Variants in FUT9 observed in about 807,000 individuals in gnomAD.
FUT9 encodes the protein fucosyltransferase 9.
A neutral mutation model predicts 29.7 loss-of-function variants in FUT9; 15 were observed. That is an observed-to-expected ratio of 0.51 (90% CI 0.34 to 0.78). The LOEUF is 0.78. Ranked by LOEUF, FUT9 falls within the 30% of genes least tolerant of loss-of-function variation. FUT9 has a pLI of 0.01. For synonymous variants in FUT9, 169 were observed against 153.7 expected (o/e 1.10, Z -0.74); for missense variants, 319 against 425.4 (o/e 0.75, Z 2.20).
At chr6:96,092,891 G>A (rs1217347816) in intron 1 of FUT9, among the ~76,000 whole-genome samples, 1 of 151,964 alleles carries the variant, frequency 6.6e-6, no homozygotes, top group Non-Finnish European at 1.5e-5. Flanking sequence ...CTCCTGAGTA[G>A]TTAGGACTTC....
chr6:96,192,356 T>G (rs1582299094), intron 2 of FUT9, among the ~76,000 whole-genome samples: 1 of 152,174 alleles, frequency 6.6e-6, no homozygotes, highest in Non-Finnish European at 1.5e-5. Context: ...CAGCAAAGTC[T>G]CAGGATACAA....
At position 96,147,163 on chromosome 6, in the gene FUT9, C is replaced by CT. The variant is rs869290093; in HGVS notation, c.-9+33049dup. 2.0e-3 allele frequency among the ~76,000 whole-genome samples: 293 copies of CT among 143,362 alleles called. 1 individual carries two copies. Among genetic ancestry groups the CT allele is most frequent in the Middle Eastern group, 0.015 (4 of 272 alleles). The allele number at this position is 143,362 out of a possible 152,430, so 94.1% of individuals were successfully genotyped here. A position where few individuals can be genotyped will look rare whatever the true frequency, so the allele number is the denominator to read the frequency against. ...CCTGTCCAATTTTTTTTTTATTTTTCTTTTTTTTTTTTTCTTGAGATGGAG... is the reference window on the plus strand; with the variant it reads ...CCTGTCCAATTTTTTTTTTATTTTTCTTTTTTTTTTTTTTCTTGAGATGGAG... On this transcript the variant is annotated intron_variant, in intron 2 of 2. Transcript: ENST00000302103.
In FUT9 at chr6:96,192,779, A is replaced by T. The variant is rs112832847; in HGVS notation, c.-8-10369A>T. Among the ~76,000 whole-genome samples the T allele has an allele frequency of 2.8e-4, 42 of 152,268 alleles. 1 individual carries two copies. The highest frequency in any genetic ancestry group is 9.1e-4 in the African/African-American group (38 of 41,556). On this transcript the variant is annotated intron_variant, in intron 2 of 2. Transcript: ENST00000302103. ...AAGCCAAAAGAACAAAGCTGGAGGC[A>T]TCACACTACCTGACTTCAAACTATA...
intron 2 of FUT9, among the ~76,000 whole-genome samples, chr6:96,191,653 CA>C (rs1465033562): frequency 6.6e-6 from 1 of 152,118 alleles, no homozygotes; most frequent in Non-Finnish European, 1.5e-5. Flanking sequence ...ATCAGAGGTA[CA>C]AGGAGGAGCT....
rs140084155 is a variant in FUT9, at chr6:96,053,344, A to G, written c.-98+37132A>G. ...TATGACTACATTAAATGGAAGAAGG[A>G]AGTCTTTCTATTTTCAATGAAAAAA... On this transcript the variant is annotated intron_variant, in intron 1 of 2. Coordinates refer to ENST00000302103, the MANE Select transcript of FUT9 (RefSeq NM_006581.4). Among the ~76,000 whole-genome samples, 62 of 152,278 alleles carry G rather than the reference A, an allele frequency of 4.1e-4. No homozygotes were observed. In the East Asian group the frequency reaches 0.012, roughly 29 times the overall value.
At chr6:96,020,098 T>C (rs909709606) in intron 1 of FUT9, among the ~76,000 whole-genome samples, 1 of 152,124 alleles carries the variant, frequency 6.6e-6, no homozygotes, top group Non-Finnish European at 1.5e-5. Flanking sequence ...TCAACCAGAC[T>C]TTTTCATTCA....
At chr6:96,170,395 A>AT (rs1214027020) in intron 2 of FUT9, among the ~76,000 whole-genome samples, 5 of 152,222 alleles carry the variant, frequency 3.3e-5, no homozygotes, top group Admixed American at 1.3e-4. Flanking sequence ...AACAGCAGGG[A>AT]TTTTTTCTAA....
chr6:96,139,717 G>C (rs1432874783), intron 2 of FUT9, among the ~76,000 whole-genome samples: 2 of 152,168 alleles, frequency 1.3e-5, no homozygotes, highest in Non-Finnish European at 2.9e-5. Context: ...AAGCTGCCAA[G>C]GTTTGGAGCT....
chr6:96,090,400 GACT>G (rs933241924), intron 1 of FUT9, among the ~76,000 whole-genome samples: 1 of 151,600 alleles, frequency 6.6e-6, no homozygotes, highest in Non-Finnish European at 1.5e-5. Flanking sequence ...AATACTTATA[GACT>G]ACAATTTATA....
At chr6:96,122,208 A>G (rs1310074815) in intron 2 of FUT9, among the ~76,000 whole-genome samples, 1 of 152,212 alleles carries the variant, frequency 6.6e-6, no homozygotes, top group Admixed American at 6.5e-5. Flanking sequence ...TCAGAGAAAA[A>G]GGAACATTTA....
intron 2 of FUT9, among the ~76,000 whole-genome samples, chr6:96,195,989 A>G (rs1214972360): frequency 6.6e-6 from 1 of 152,168 alleles, no homozygotes. Context: ...ATTTTTAAGA[A>G]TTTACATATA....
chr6:96,183,263 A>G (rs1455678376), intron 2 of FUT9, among the ~76,000 whole-genome samples: 1 of 152,054 alleles, frequency 6.6e-6, no homozygotes, highest in African/African-American at 2.4e-5. Flanking sequence ...TTGTTGGTGC[A>G]TAGGAGAGCT....
chr6:96,171,250 C>T (rs1357301843), intron 2 of FUT9, among the ~76,000 whole-genome samples: 2 of 152,180 alleles, frequency 1.3e-5, no homozygotes, highest in East Asian at 3.9e-4. Context: ...CAGTTCCAAC[C>T]CGCATTTGGA....
At chr6:96,080,541 T>G (rs1771217297) in intron 1 of FUT9, among the ~76,000 whole-genome samples, 1 of 152,092 alleles carries the variant, frequency 6.6e-6, no homozygotes, top group African/African-American at 2.4e-5. Context: ...AATAAAACAC[T>G]ATATTGGGAA....
chr6:96,068,986 G>T (rs528340907), intron 1 of FUT9, among the ~76,000 whole-genome samples: 152 of 152,188 alleles, frequency 1.0e-3, no homozygotes, highest in African/African-American at 3.5e-3. Flanking sequence ...AAAGAAAATA[G>T]GATTCTATTT....
intron 1 of FUT9, among the ~76,000 whole-genome samples, chr6:96,070,476 A>T (rs1771040230): frequency 6.6e-6 from 1 of 152,144 alleles, no homozygotes; most frequent in African/African-American, 2.4e-5. Context: ...GCTTGAGCTC[A>T]GGAGTACGAG....
At chr6:96,127,819 A>C (rs1241224491) in intron 2 of FUT9, among the ~76,000 whole-genome samples, 1 of 152,026 alleles carries the variant, frequency 6.6e-6, no homozygotes, top group Admixed American at 6.6e-5. Context: ...GGCCATGTGT[A>C]TGTCTTCTTT....
intron 2 of FUT9, among the ~76,000 whole-genome samples, chr6:96,150,152 A>T (rs1772649098): frequency 6.6e-6 from 1 of 152,168 alleles, no homozygotes. Flanking sequence ...AAAAGAGAAA[A>T]TGGTGTCAGT....
At chr6:96,196,174 A>G (rs1209559916) in intron 2 of FUT9, among the ~76,000 whole-genome samples, 1 of 152,198 alleles carries the variant, frequency 6.6e-6, no homozygotes, top group Non-Finnish European at 1.5e-5. Context: ...CATAAGGGTC[A>G]TGGCCAGCAA....
Sources: allele counts gnomAD v4.1 joint callset (sites outside exome capture counted in the v4.1 genomes callset), GRCh38; gene constraint gnomAD v4.1.1; transcripts MANE v1.5; gene names NCBI Gene and HGNC (gene_info 2026-07-23, HGNC 2026-07-21).